Variants in EIF3H observed in about 807,000 individuals in gnomAD.
The protein encoded by EIF3H is eukaryotic translation initiation factor 3 subunit H, also known as eIF-3-gamma.
Under a neutral mutation model 44.2 loss-of-function variants are expected in EIF3H, and 26 were observed. That is an observed-to-expected ratio of 0.59 (90% CI 0.43 to 0.82). The LOEUF is 0.82. EIF3H is among the 40% of genes least tolerant of loss of function. The probability of loss-of-function intolerance (pLI) is 0.00; values close to 1 mark genes in which losing one functional copy is unlikely to be tolerated. For missense variants in EIF3H, 359 were observed against 432.8 expected, an observed-to-expected ratio of 0.83 and a Z score of 1.51; for synonymous variants, 166 against 151.9, an observed-to-expected ratio of 1.09 and a Z score of -0.68.
chr8:116,651,199 T>G (rs1813385634), intron 5 of EIF3H, among the ~76,000 whole-genome samples: 1 of 152,180 alleles, frequency 6.6e-6, no homozygotes, highest in African/African-American at 2.4e-5. Context: ...TATCGTGATA[T>G]TACAGAGAGA....
At chr8:116,740,862 G>A (rs1200790560) in intron 1 of EIF3H, among the ~76,000 whole-genome samples, 1 of 152,068 alleles carries the variant, frequency 6.6e-6, no homozygotes, top group Non-Finnish European at 1.5e-5. Flanking sequence ...TGCGGCCTTA[G>A]GCAGGTTACC....
At chr8:116,657,112 C>A (rs1813503902) in intron 4 of EIF3H, 103 bp downstream of exon 4, 4 of 996,626 alleles carry the variant, frequency 4.0e-6, no homozygotes, top group Middle Eastern at 2.0e-4. Flanking sequence ...GTCCACATGG[C>A]AAAAGCATTA....
At chr8:116,678,502 A>G (rs1586449757) in intron 2 of EIF3H, among the ~76,000 whole-genome samples, 10 of 141,020 alleles carry the variant, frequency 7.1e-5, no homozygotes, top group South Asian at 2.4e-4. Context: ...CAGTCTGGAA[A>G]GTGAGGAGCG....
At chr8:116,685,577 A>G (rs1439783479) in intron 2 of EIF3H, among the ~76,000 whole-genome samples, 1 of 152,114 alleles carries the variant, frequency 6.6e-6, no homozygotes, top group Non-Finnish European at 1.5e-5. Context: ...CTTGTCTGTG[A>G]TTCATCAATC....
chr8:116,707,021 T>C (rs1307259532), intron 2 of EIF3H, among the ~76,000 whole-genome samples: 1 of 152,226 alleles, frequency 6.6e-6, no homozygotes, highest in Non-Finnish European at 1.5e-5. Flanking sequence ...GGAGCACTTG[T>C]ATTTTATTTG....
At chr8:116,711,690 C>T (rs968484306) in intron 2 of EIF3H, among the ~76,000 whole-genome samples, 1 of 152,150 alleles carries the variant, frequency 6.6e-6, no homozygotes, top group Non-Finnish European at 1.5e-5. Flanking sequence ...CTTGGAGATA[C>T]ACAGTTACGT....
At chr8:116,759,612 G>C (rs1815493866), upstream of EIF3H, among the ~76,000 whole-genome samples, 1 of 152,124 alleles carries the variant, frequency 6.6e-6, no homozygotes, top group Admixed American at 6.5e-5. Flanking sequence ...TATTACGATA[G>C]AGAGTGCTAA....
chr8:116,742,196 T>C (rs1815145193), intron 1 of EIF3H, among the ~76,000 whole-genome samples: 1 of 152,224 alleles, frequency 6.6e-6, no homozygotes, highest in Non-Finnish European at 1.5e-5. Flanking sequence ...AAGGGCATAT[T>C]TCATTGCTAT....
intron 5 of EIF3H, among the ~76,000 whole-genome samples, chr8:116,654,711 C>G (rs1813459222): frequency 2.0e-5 from 3 of 152,158 alleles, no homozygotes. Flanking sequence ...TTACTGAGCA[C>G]TCCATTTACA....
intron 2 of EIF3H, among the ~76,000 whole-genome samples, chr8:116,722,834 T>C (rs1814773509): frequency 6.6e-6 from 1 of 152,208 alleles, no homozygotes; most frequent in South Asian, 2.1e-4. Flanking sequence ...TTCCAATCTG[T>C]AAAATTAGGA....
chr8:116,721,192 C>T (rs1472600001), intron 2 of EIF3H, among the ~76,000 whole-genome samples: 1 of 152,150 alleles, frequency 6.6e-6, no homozygotes, highest in Admixed American at 6.5e-5. Context: ...CTCCTAGCCA[C>T]TCTAGCCATG....
chr8:116,700,255 A>G (rs191725204), intron 2 of EIF3H, among the ~76,000 whole-genome samples: 154 of 152,348 alleles, frequency 1.0e-3, no homozygotes, highest in African/African-American at 3.6e-3. Flanking sequence ...AGAAAACTCA[A>G]CCTTCTTGGG....
intron 2 of EIF3H, among the ~76,000 whole-genome samples, chr8:116,685,870 T>C (rs1814067094): frequency 6.6e-6 from 1 of 152,182 alleles, no homozygotes; most frequent in African/African-American, 2.4e-5. Context: ...CAAGGAAAGA[T>C]CTGCACAGCA....
chr8:116,746,350 T>C (rs1815235183), intron 1 of EIF3H, among the ~76,000 whole-genome samples: 1 of 152,242 alleles, frequency 6.6e-6, no homozygotes, highest in African/African-American at 2.4e-5. Flanking sequence ...ACATAAACTA[T>C]TTGTACCCAC....
At chr8:116,751,128 C>T (rs1283343508) in intron 1 of EIF3H, among the ~76,000 whole-genome samples, 1 of 151,646 alleles carries the variant, frequency 6.6e-6, no homozygotes, top group Non-Finnish European at 1.5e-5. Context: ...AGGAGAATGG[C>T]GTGAACCCGG....
chr8:116,752,293 A>G (rs1436640238), intron 1 of EIF3H, among the ~76,000 whole-genome samples: 3 of 152,196 alleles, frequency 2.0e-5, no homozygotes, highest in Non-Finnish European at 4.4e-5. Flanking sequence ...CCTGATTACC[A>G]GGAGCACTGA....
intron 2 of EIF3H, among the ~76,000 whole-genome samples, chr8:116,714,982 AG>A (rs1486399871): frequency 6.6e-6 from 1 of 152,102 alleles, no homozygotes; most frequent in Non-Finnish European, 1.5e-5. Context: ...CTGAGAAGGA[AG>A]GTGAGATTTG....
At chr8:116,694,977 T>C (rs1024456012) in intron 2 of EIF3H, among the ~76,000 whole-genome samples, 2 of 151,938 alleles carry the variant, frequency 1.3e-5, no homozygotes, top group Non-Finnish European at 2.9e-5. Flanking sequence ...TATCCCATGG[T>C]CCTGCCCGCT....
At chr8:116,722,773 G>A (rs913184383) in intron 2 of EIF3H, among the ~76,000 whole-genome samples, 6 of 152,058 alleles carry the variant, frequency 3.9e-5, no homozygotes, top group Admixed American at 2.0e-4. Context: ...CTACTCTCGC[G>A]AAGTCTACCT....
Sources: gnomAD v4.1 joint callset for allele counts (sites outside exome capture counted in the v4.1 genomes callset) on GRCh38, gnomAD v4.1.1 for gene constraint, MANE v1.5 for transcripts, NCBI Gene and HGNC (gene_info 2026-07-23, HGNC 2026-07-21) for gene names.